The following CDNF variants were observed in gnomAD, a reference collection of about 807,000 sequenced individuals.
CDNF encodes the protein cerebral dopamine neurotrophic factor.
CDNF carries 9 observed loss-of-function variants against 14.8 expected under a neutral mutation model. That is an observed-to-expected ratio of 0.61 (90% CI 0.37 to 1.06). The LOEUF (loss-of-function observed/expected upper bound fraction) is 1.06, where lower values mean the gene tolerates loss of function less well. Ranked by LOEUF, CDNF falls within the 50% of genes least tolerant of loss-of-function variation. CDNF has a pLI of 0.01. For synonymous variants in CDNF, 86 were observed against 87.2 expected (o/e 0.99, Z 0.07); for missense variants, 228 against 228.4 (o/e 1.00, Z 0.01).
chr10:14,826,099 AGC>A (rs1564313452), intron 2 of CDNF, among the ~76,000 whole-genome samples: 1,755 of 106,742 alleles, frequency 0.016, 30 homozygotes, highest in African/African-American at 0.042. Context: ...AAGAAGAAGC[AGC>A]AGCAGCAGCA....
In CDNF at chr10:14,819,313, G is replaced by A. The variant is rs911208744; in HGVS notation, c.*667C>T. The A allele has an allele frequency of 6.6e-6, 1 of 152,192 alleles. No homozygotes were observed. The highest frequency in any genetic ancestry group is 6.5e-5 in the Admixed American group (1 of 15,274). The allele number at this position is 152,192 out of a possible 1,614,324, so 9.4% of individuals were successfully genotyped here. On this transcript the variant is annotated 3_prime_UTR_variant, in exon 4 of 4. Coordinates refer to ENST00000465530, the MANE Select transcript of CDNF (RefSeq NM_001029954.3). ...CTTCCATCAAAAACTTGTCTGATATGTGACTGTAAGGAATGAAAAAGACCT... is the reference window on the plus strand; with the variant it reads ...CTTCCATCAAAAACTTGTCTGATATATGACTGTAAGGAATGAAAAAGACCT...
rs186058697 is a variant in CDNF at position 14,826,943 on chromosome 10, C to A, written c.243+1202G>T. Among the ~76,000 whole-genome samples, 10 of 147,748 alleles carry A rather than the reference C, an allele frequency of 6.8e-5. No individual in the cohort carries two copies. In the East Asian group the frequency reaches 2.0e-3, roughly 29 times the overall value. On this transcript the variant is annotated intron_variant, in intron 2 of 3. Coordinates refer to ENST00000465530, the MANE Select transcript of CDNF (RefSeq NM_001029954.3). Reference sequence around the variant, plus strand: ...TAAAAATATAAACGTTGGCTGGGCACAGTGGCTCACACCTGTAATCCCAGC... The same window carrying A: ...TAAAAATATAAACGTTGGCTGGGCAAAGTGGCTCACACCTGTAATCCCAGC...
intron 1 of CDNF, 48 bp downstream of exon 1, chr10:14,837,784 G>C (rs760150949): frequency 1.1e-5 from 13 of 1,189,200 alleles, no homozygotes; most frequent in Non-Finnish European, 1.6e-5. Flanking sequence ...CAGCTGCTGC[G>C]CCGCAGCGCG....
chr10:14,826,077 AAGAAGAAGAAGAAGAAGAAGCAGCAGC>A (rs1564313384), intron 2 of CDNF, among the ~76,000 whole-genome samples: 18 of 141,764 alleles, frequency 1.3e-4, no homozygotes, highest in Admixed American at 4.3e-4. Context: ...GAAGAAGAAG[AAGAAGAAGAAGAAGAAGAAGCAGCAGC>A]AGCAGCAGCA....
intron 1 of CDNF, among the ~76,000 whole-genome samples, chr10:14,832,640 A>G (rs1833852962): frequency 6.6e-6 from 1 of 152,122 alleles, no homozygotes; most frequent in African/African-American, 2.4e-5. Flanking sequence ...AAGTGGTTAC[A>G]CTCTGGACCT....
At chr10:14,826,540 AAAG>A (rs1050231646) in intron 2 of CDNF, among the ~76,000 whole-genome samples, 21 of 152,252 alleles carry the variant, frequency 1.4e-4, no homozygotes, top group East Asian at 1.2e-3. Context: ...GAAGAAGAAG[AAAG>A]AAGAAGAGAG....
intron 3 of CDNF, among the ~76,000 whole-genome samples, chr10:14,822,950 T>A (rs1564312361): frequency 6.6e-6 from 1 of 152,182 alleles, no homozygotes; most frequent in Non-Finnish European, 1.5e-5. Context: ...TTCTTTCAGG[T>A]CAAAAACCAA....
At chr10:14,824,878 A>G (rs1352441255) in intron 3 of CDNF, among the ~76,000 whole-genome samples, 1 of 152,040 alleles carries the variant, frequency 6.6e-6, no homozygotes, top group Admixed American at 6.6e-5. Context: ...TGCTCTCTCT[A>G]TATGTTGAGA....
At chr10:14,835,085 G>T (rs887206637) in intron 1 of CDNF, among the ~76,000 whole-genome samples, 3 of 152,144 alleles carry the variant, frequency 2.0e-5, no homozygotes, top group Non-Finnish European at 4.4e-5. Context: ...CAGGTTTAGG[G>T]GAGTGAGAAG....
rs1019026869 is a variant in CDNF at position 14,837,990 on chromosome 10, G to T, written c.-44C>A. 1 of 1,421,408 alleles carries T rather than the reference G, an allele frequency of 7.0e-7. No individual in the cohort carries two copies. Among genetic ancestry groups the T allele is most frequent in the Non-Finnish European group, 9.7e-7 (1 of 1,033,618 alleles). The allele number at this position is 1,421,408 out of a possible 1,614,324, so 88.0% of individuals were successfully genotyped here. A position where few individuals can be genotyped will look rare whatever the true frequency, so the allele number is the denominator to read the frequency against. On this transcript the variant is annotated 5_prime_UTR_variant, in exon 1 of 4. Transcript: ENST00000465530. ...ATCGCCTCCGCCACCCGCGCCCACCGCCCACCAAGCTGCCAAAGCGAGCTG... is the reference window on the plus strand; with the variant it reads ...ATCGCCTCCGCCACCCGCGCCCACCTCCCACCAAGCTGCCAAAGCGAGCTG...
Position 14,832,789 on chromosome 10 carries a change from T to C in CDNF, c.116-4517A>G, listed in dbSNP as rs530627554. On this transcript the variant is annotated intron_variant, in intron 1 of 3. Transcript: ENST00000465530. ...ACCGTGGAGTTGCCATCTGCTGAAATGAGGAAGACTGCAGGAGAAGCAGTT... is the reference window on the plus strand; with the variant it reads ...ACCGTGGAGTTGCCATCTGCTGAAACGAGGAAGACTGCAGGAGAAGCAGTT... 9.3e-5 allele frequency among the ~76,000 whole-genome samples: 14 copies of C among 150,810 alleles called. No individual in the cohort carries two copies. In the East Asian group the frequency reaches 1.6e-3, roughly 17 times the overall value.
intron 2 of CDNF, among the ~76,000 whole-genome samples, chr10:14,825,955 AAAAAGAAGAAGAAG>A (rs1158013745): frequency 4.6e-5 from 7 of 151,820 alleles, no homozygotes; most frequent in Non-Finnish European, 7.4e-5. Flanking sequence ...CATCTCAAAA[AAAAAGAAGAAGAAG>A]AAAAGAAGAA....
At chr10:14,835,628 T>G (rs936180750) in intron 1 of CDNF, among the ~76,000 whole-genome samples, 2 of 152,220 alleles carry the variant, frequency 1.3e-5, no homozygotes, top group African/African-American at 4.8e-5. Flanking sequence ...TATTGTGCTT[T>G]TATGTTTATT....
chr10:14,831,462 C>CATATAT lies in CDNF; in HGVS notation c.116-3196_116-3191dup, dbSNP rs66493377. Among the ~76,000 whole-genome samples the CATATAT allele has an allele frequency of 1.3e-3, 186 of 145,202 alleles. 1 individual carries two copies. Among genetic ancestry groups the CATATAT allele is most frequent in the African/African-American group, 4.4e-3 (175 of 39,656 alleles). On this transcript the variant is annotated intron_variant, in intron 1 of 3. Coordinates refer to ENST00000465530, the MANE Select transcript of CDNF (RefSeq NM_001029954.3). ...CATGTCATCTTTTAGAGCTTAAAGT[C>CATATAT]ATATATATATATATATATACACACA...
In CDNF at chr10:14,838,002, G is replaced by C. The variant is rs1833911099; in HGVS notation, c.-56C>G. Reference sequence around the variant, plus strand: ...ACCCGCGCCCACCGCCCACCAAGCTGCCAAAGCGAGCTGAGCAGAATTCGA... The same window carrying C: ...ACCCGCGCCCACCGCCCACCAAGCTCCCAAAGCGAGCTGAGCAGAATTCGA... On this transcript the variant is annotated 5_prime_UTR_variant, in exon 1 of 4. Coordinates refer to ENST00000465530, the MANE Select transcript of CDNF (RefSeq NM_001029954.3). 22 of 1,304,002 alleles carry C rather than the reference G, an allele frequency of 1.7e-5. No individual in the cohort carries two copies. In the South Asian group the frequency reaches 2.8e-4, roughly 16 times the overall value. 80.8% of individuals were successfully genotyped at this position (1,304,002 alleles called of 1,614,324 possible). A position where few individuals can be genotyped will look rare whatever the true frequency, so the allele number is the denominator to read the frequency against.
chr10:14,831,694 A>G (rs989709338), intron 1 of CDNF, among the ~76,000 whole-genome samples: 1 of 151,380 alleles, frequency 6.6e-6, no homozygotes, highest in Non-Finnish European at 1.5e-5. Flanking sequence ...CCTGCCTCAG[A>G]CTCCTGAGTA....
chr10:14,827,052 CAAAAAAAAAA>C (rs34308438), intron 2 of CDNF, among the ~76,000 whole-genome samples: 6 of 74,648 alleles, frequency 8.0e-5, no homozygotes, highest in South Asian at 5.3e-4. Context: ...CCCGTCTCTA[CAAAAAAAAAA>C]AAAAAAAAAA....
chr10:14,821,881 A>G (rs977774535), intron 3 of CDNF, among the ~76,000 whole-genome samples: 2 of 152,244 alleles, frequency 1.3e-5, no homozygotes, highest in African/African-American at 4.8e-5. Flanking sequence ...CTTGAAACCC[A>G]TAGATTGTAA....
At chr10:14,826,397 AAGCAGCAGC>A (rs1204172867) in intron 2 of CDNF, among the ~76,000 whole-genome samples, 2 of 151,384 alleles carry the variant, frequency 1.3e-5, no homozygotes, top group Non-Finnish European at 2.9e-5. Context: ...GAAGCAGAAG[AAGCAGCAGC>A]AGCAGCAGAA....
Sources: gnomAD v4.1 joint callset for allele counts (sites outside exome capture counted in the v4.1 genomes callset) on GRCh38, gnomAD v4.1.1 for gene constraint, MANE v1.5 for transcripts, NCBI Gene and HGNC (gene_info 2026-07-23, HGNC 2026-07-21) for gene names.